TLE4: variants seen among roughly 807,000 people sequenced by gnomAD.
TLE4 encodes transducin-like enhancer protein 4.
A neutral mutation model predicts 92.8 loss-of-function variants in TLE4; 8 were observed. The observed-to-expected ratio is 0.09, with a 90% CI of 0.05 to 0.16. TLE4 has a LOEUF of 0.16. Ranked by LOEUF, TLE4 falls within the 10% of genes least tolerant of loss-of-function variation. The pLI is 1.00. For missense variants in TLE4, 675 were observed against 997.6 expected (o/e 0.68, Z 4.36); for synonymous variants, 371 against 374.1 (o/e 0.99, Z 0.10).
At chr9:79,644,094 T>C (rs1018152830) in intron 6 of TLE4, among the ~76,000 whole-genome samples, 2 of 152,260 alleles carry the variant, frequency 1.3e-5, no homozygotes, top group South Asian at 4.1e-4. Context: ...TCCCCATATG[T>C]GGTGGGAGGG....
chr9:79,656,601 C>T (rs1455551613), intron 8 of TLE4, among the ~76,000 whole-genome samples: 1 of 152,118 alleles, frequency 6.6e-6, no homozygotes, highest in African/African-American at 2.4e-5. Context: ...TCGGAATCTG[C>T]TGGTAGTAAT....
intron 4 of TLE4, among the ~76,000 whole-genome samples, chr9:79,609,006 A>C (rs918501972): frequency 1.3e-5 from 2 of 152,104 alleles, no homozygotes; most frequent in Non-Finnish European, 2.9e-5. Context: ...CTTTTAAATG[A>C]TTAGTAAAAT....
intron 4 of TLE4, among the ~76,000 whole-genome samples, chr9:79,597,189 G>T (rs1474490366): frequency 6.6e-6 from 1 of 152,056 alleles, no homozygotes; most frequent in Non-Finnish European, 1.5e-5. Context: ...TCTCACCACG[G>T]TCACCATCAC....
chr9:79,675,101 C>T (rs2063055977), intron 8 of TLE4, among the ~76,000 whole-genome samples: 1 of 152,090 alleles, frequency 6.6e-6, no homozygotes, highest in Admixed American at 6.6e-5. Flanking sequence ...ACTTAAGTGT[C>T]TATAATTTTT....
chr9:79,579,436 A>T (rs2131975491), intron 4 of TLE4, among the ~76,000 whole-genome samples: 1 of 152,340 alleles, frequency 6.6e-6, no homozygotes, highest in Middle Eastern at 3.4e-3. Context: ...TAGGTATGTG[A>T]ATTCAACCTA....
chr9:79,711,064 C>T (rs2073160788), intron 14 of TLE4, among the ~76,000 whole-genome samples: 1 of 152,186 alleles, frequency 6.6e-6, no homozygotes, highest in African/African-American at 2.4e-5. Flanking sequence ...TCAGTGTTGC[C>T]TAACCTAGAC....
intron 8 of TLE4, 104 bp from the exon 9 acceptor site, chr9:79,704,679 T>C (rs932812149): frequency 4.1e-6 from 6 of 1,450,080 alleles, no homozygotes; most frequent in Admixed American, 2.3e-5. Flanking sequence ...TTTGCAAGTA[T>C]ATGCTAAAGA....
chr9:79,581,064 G>A (rs1235789048), intron 4 of TLE4, among the ~76,000 whole-genome samples: 1 of 152,168 alleles, frequency 6.6e-6, no homozygotes, highest in African/African-American at 2.4e-5. Context: ...TTTACACGCT[G>A]ATAATATTCC....
chr9:79,696,229 AG>A (rs1260782652), intron 8 of TLE4, among the ~76,000 whole-genome samples: 2 of 152,258 alleles, frequency 1.3e-5, no homozygotes, highest in African/African-American at 4.8e-5. Context: ...TGGATTAAAT[AG>A]ATGACCACAG....
intron 4 of TLE4, among the ~76,000 whole-genome samples, chr9:79,607,417 T>C (rs1010683456): frequency 2.0e-5 from 3 of 152,200 alleles, no homozygotes; most frequent in African/African-American, 4.8e-5. Flanking sequence ...TTGCCATTGC[T>C]TTTGGTGTTT....
At chr9:79,700,678 T>C (rs2069553798) in intron 8 of TLE4, among the ~76,000 whole-genome samples, 1 of 151,782 alleles carries the variant, frequency 6.6e-6, no homozygotes, top group African/African-American at 2.4e-5. Context: ...TCCTGCTCTT[T>C]TTCTTAAACA....
At chr9:79,622,908 A>T (rs939953818) in intron 5 of TLE4, among the ~76,000 whole-genome samples, 2 of 151,874 alleles carry the variant, frequency 1.3e-5, no homozygotes, top group Admixed American at 6.6e-5. Flanking sequence ...TCTTACTTTC[A>T]CCTCTCCACA....
At position 79,725,911 on chromosome 9, in the gene TLE4, G is replaced by A. The variant is rs1271381909; in HGVS notation, c.*767G>A. On this transcript the variant is annotated 3_prime_UTR_variant, in exon 20 of 20. Coordinates refer to ENST00000376552, the MANE Select transcript of TLE4 (RefSeq NM_007005.6). ...TTTTTTTGTTGTATTATAGGCAGAT[G>A]AACAAATTAAATTTGGCCTCAAAGA... The A allele has an allele frequency of 6.6e-6, 1 of 152,538 alleles. No individual in the cohort carries two copies. The highest frequency in any genetic ancestry group is 1.5e-5 in the Non-Finnish European group (1 of 68,028). 9.4% of individuals were successfully genotyped at this position (152,538 alleles called of 1,614,324 possible). A position where few individuals can be genotyped will look rare whatever the true frequency, so the allele number is the denominator to read the frequency against.
At chr9:79,680,279 C>G (rs1292054730) in intron 8 of TLE4, among the ~76,000 whole-genome samples, 2 of 151,522 alleles carry the variant, frequency 1.3e-5, no homozygotes. Context: ...TGTTTGTATC[C>G]TCTTTTATTT....
intron 8 of TLE4, among the ~76,000 whole-genome samples, chr9:79,697,410 G>A (rs1408751627): frequency 6.6e-6 from 1 of 151,952 alleles, no homozygotes; most frequent in Non-Finnish European, 1.5e-5. Context: ...AGTGGTGAGG[G>A]GTTGTACTTG....
chr9:79,627,469 A>C, intron 6 of TLE4, 21 bp downstream of exon 6: 2 of 1,612,432 alleles, frequency 1.2e-6, no homozygotes, highest in Non-Finnish European at 1.7e-6. Flanking sequence ...TTTCCATTTT[A>C]GCTCTGATCT....
intron 8 of TLE4, among the ~76,000 whole-genome samples, chr9:79,655,742 C>G (rs78419275): frequency 6.6e-6 from 1 of 152,146 alleles, no homozygotes; most frequent in Admixed American, 6.5e-5. Flanking sequence ...TTAACTGATA[C>G]CAGCCTTTGA....
At chr9:79,654,525 TTTTCTC>T (rs2059495345) in intron 8 of TLE4, among the ~76,000 whole-genome samples, 1 of 151,962 alleles carries the variant, frequency 6.6e-6, no homozygotes, top group African/African-American at 2.4e-5. Context: ...CTAGAAATAA[TTTTCTC>T]TTTTAAATTT....
chr9:79,684,767 T>A (rs532140918), intron 8 of TLE4, among the ~76,000 whole-genome samples: 10 of 152,140 alleles, frequency 6.6e-5, no homozygotes, highest in Non-Finnish European at 1.3e-4. Context: ...TTGGCACTAG[T>A]CCAGAGTCTA....
Sources: allele counts gnomAD v4.1 joint callset (sites outside exome capture counted in the v4.1 genomes callset), GRCh38; gene constraint gnomAD v4.1.1; transcripts MANE v1.5; gene names NCBI Gene and HGNC (gene_info 2026-07-23, HGNC 2026-07-21).